The following PCDH7 variants were observed in gnomAD, a reference collection of about 807,000 sequenced individuals.
The protein encoded by PCDH7 is protocadherin 7.
A neutral mutation model predicts 58.9 loss-of-function variants in PCDH7; 17 were observed. That is an observed-to-expected ratio of 0.29 (90% CI 0.20 to 0.43). PCDH7 has a LOEUF of 0.43. PCDH7 is among the 20% of genes least tolerant of loss of function. PCDH7 has a pLI of 1.00. For missense variants in PCDH7, 1,274 were observed against 1,441.0 expected (o/e 0.88, Z 1.88); for synonymous variants, 664 against 616.4 (o/e 1.08, Z -1.14).
At chr4:30,976,522 T>G (rs1231330968) in intron 3 of PCDH7, among the ~76,000 whole-genome samples, 1 of 148,432 alleles carries the variant, frequency 6.7e-6, no homozygotes, top group East Asian at 2.0e-4. Context: ...TGCCTCAGCC[T>G]CCCAAGTAAC....
chr4:30,958,381 T>C (rs976276052), intron 3 of PCDH7, among the ~76,000 whole-genome samples: 1 of 152,028 alleles, frequency 6.6e-6, no homozygotes, highest in African/African-American at 2.4e-5. Flanking sequence ...AAACATAATC[T>C]ATTCTCATCA....
Position 30,720,986 on chromosome 4 carries a change from C to A in PCDH7, c.-437C>A. 1 of 168,004 alleles carries A rather than the reference C, an allele frequency of 6.0e-6. No individual in the cohort carries two copies. The highest frequency in any genetic ancestry group is 1.3e-5 in the Non-Finnish European group (1 of 79,366). 10.4% of individuals were successfully genotyped at this position (168,004 alleles called of 1,614,324 possible). A position where few individuals can be genotyped will look rare whatever the true frequency, so the allele number is the denominator to read the frequency against. ...GGCTCATTCCCCACCTCTTCCCAGC[C>A]CCACTGCCCGTCTGCCGGAGCGGTT... is the stretch of plus-strand genomic sequence containing the variant. On this transcript the variant is annotated 5_prime_UTR_variant, in exon 1 of 2. Coordinates refer to ENST00000361762, the Ensembl canonical transcript of PCDH7. The surrounding 1 kb of genome is among the most constrained non-coding windows in gnomAD (Gnocchi z 4.7).
chr4:31,058,459 A>G (rs1475738736), intron 3 of PCDH7, among the ~76,000 whole-genome samples: 1 of 152,110 alleles, frequency 6.6e-6, no homozygotes, highest in Admixed American at 6.6e-5. Context: ...TATAAATTTA[A>G]CAGACAAAGA....
intron 3 of PCDH7, among the ~76,000 whole-genome samples, chr4:31,040,044 C>G (rs1232305632): frequency 6.6e-6 from 1 of 152,066 alleles, no homozygotes; most frequent in African/African-American, 2.4e-5. Flanking sequence ...TGCAAATGCC[C>G]AGAGCTGAAT....
intron 2 of PCDH7, among the ~76,000 whole-genome samples, chr4:30,938,344 A>T (rs1169004821): frequency 6.6e-6 from 1 of 152,114 alleles, no homozygotes; most frequent in African/African-American, 2.4e-5. Flanking sequence ...GCATTTCTAA[A>T]CAAATTTTAG....
At chr4:30,872,420 T>C (rs1264731777) in intron 1 of PCDH7, among the ~76,000 whole-genome samples, 1 of 152,106 alleles carries the variant, frequency 6.6e-6, no homozygotes, top group Non-Finnish European at 1.5e-5. Context: ...TCTGTTCCAA[T>C]AAAAGTTTTA....
chr4:30,876,288 G>A (rs1029825835), intron 1 of PCDH7, among the ~76,000 whole-genome samples: 3 of 152,054 alleles, frequency 2.0e-5, no homozygotes, highest in Admixed American at 1.3e-4. Context: ...CATATATGAA[G>A]TAAGTGATAT....
intron 3 of PCDH7, among the ~76,000 whole-genome samples, chr4:31,109,561 G>C (rs1217539744): frequency 6.6e-6 from 1 of 152,182 alleles, no homozygotes; most frequent in East Asian, 1.9e-4. Context: ...GTTCATGACT[G>C]CTACCTCTAG....
At chr4:31,015,509 C>G (rs990990042) in intron 3 of PCDH7, among the ~76,000 whole-genome samples, 1 of 152,114 alleles carries the variant, frequency 6.6e-6, no homozygotes, top group East Asian at 1.9e-4. Flanking sequence ...ATATAAAAAT[C>G]ATATTTTACA....
chr4:31,088,300 T>G (rs182887930), intron 3 of PCDH7, among the ~76,000 whole-genome samples: 4 of 152,206 alleles, frequency 2.6e-5, no homozygotes, highest in Admixed American at 2.6e-4. Flanking sequence ...CTGTTAATTT[T>G]GGGAGATGTA....
chr4:30,871,694 A>C (rs1735610954), intron 1 of PCDH7, among the ~76,000 whole-genome samples: 3 of 152,108 alleles, frequency 2.0e-5, no homozygotes, highest in African/African-American at 7.2e-5. Context: ...TAGGCCTGTC[A>C]TAAAAAAGTG....
chr4:30,755,682 T>C (rs1414244339), intron 1 of PCDH7, among the ~76,000 whole-genome samples: 1 of 152,034 alleles, frequency 6.6e-6, no homozygotes. Flanking sequence ...GGCTGGGTAA[T>C]TGATGAAGAA....
At chr4:31,051,825 G>GGT (rs139776866) in intron 3 of PCDH7, among the ~76,000 whole-genome samples, 2 of 141,724 alleles carry the variant, frequency 1.4e-5, no homozygotes, top group East Asian at 2.6e-4. Flanking sequence ...AGCATTGTTG[G>GGT]GTGTGTGTGG....
intron 3 of PCDH7, among the ~76,000 whole-genome samples, chr4:31,000,736 G>GAC (rs918873840): frequency 6.6e-6 from 1 of 151,782 alleles, no homozygotes; most frequent in African/African-American, 2.4e-5. Context: ...AGAAGAAAAG[G>GAC]ACAGAAAAAG....
At chr4:30,839,963 G>T (rs1346730855) in intron 1 of PCDH7, among the ~76,000 whole-genome samples, 1 of 151,858 alleles carries the variant, frequency 6.6e-6, no homozygotes, top group African/African-American at 2.4e-5. Context: ...TTAGGCTTTT[G>T]CTGTTGAGAA....
At chr4:31,142,982 C>A, downstream of PCDH7, 1 of 544,956 alleles carries the variant, frequency 1.8e-6, no homozygotes, top group Non-Finnish European at 2.9e-6. Context: ...GCCACTTCTG[C>A]CTCCAGATCA....
intron 3 of PCDH7, among the ~76,000 whole-genome samples, chr4:30,961,144 T>A (rs1380088749): frequency 1.3e-5 from 2 of 152,144 alleles, no homozygotes; most frequent in Non-Finnish European, 2.9e-5. Flanking sequence ...TGGGAATGTG[T>A]GTAAAGTGCT....
At chr4:31,080,842 A>G (rs1445280856) in intron 3 of PCDH7, among the ~76,000 whole-genome samples, 1 of 152,156 alleles carries the variant, frequency 6.6e-6, no homozygotes, top group Non-Finnish European at 1.5e-5. Context: ...CCAATGGGAG[A>G]TAATGGAATC....
chr4:30,976,263 G>T (rs1578467307), intron 3 of PCDH7, among the ~76,000 whole-genome samples: 2 of 151,812 alleles, frequency 1.3e-5, no homozygotes, highest in East Asian at 3.9e-4. Flanking sequence ...GGCTAATTTT[G>T]TATTTTTAGT....
Sources: allele counts gnomAD v4.1 joint callset (sites outside exome capture counted in the v4.1 genomes callset), GRCh38; gene constraint gnomAD v4.1.1; non-coding constraint Gnocchi (gnomAD v3.1); transcripts MANE v1.5; gene names NCBI Gene and HGNC (gene_info 2026-07-23, HGNC 2026-07-21).